The following RBFOX1 variants were observed in gnomAD, a reference collection of about 807,000 sequenced individuals.
RBFOX1 encodes RNA binding protein fox-1 homolog 1.
In RBFOX1, 8 loss-of-function variants were observed where a neutral mutation model predicts 57.7. The observed-to-expected ratio is 0.14, with a 90% confidence interval of 0.08 to 0.25. The LOEUF (loss-of-function observed/expected upper bound fraction) is 0.25, where lower values mean the gene tolerates loss of function less well. RBFOX1 is among the 10% of genes least tolerant of loss of function. The pLI is 1.00. For missense variants in RBFOX1, 611 were observed against 548.5 expected (o/e 1.11, Z -1.14); for synonymous variants, 326 against 222.4 (o/e 1.47, Z -4.15).
chr16:6,241,515 G>A (rs958920324), intron 1 of RBFOX1, among the ~76,000 whole-genome samples: 12 of 152,190 alleles, frequency 7.9e-5, no homozygotes, highest in African/African-American at 1.9e-4. Context: ...AATTTTCCTC[G>A]TAAGTAATTT....
chr16:7,235,423 G>C (rs915714026), intron 4 of RBFOX1, among the ~76,000 whole-genome samples: 3 of 152,212 alleles, frequency 2.0e-5, no homozygotes, highest in African/African-American at 7.2e-5. Context: ...AACAGACAGA[G>C]ATGTAGTCAC....
intron 4 of RBFOX1, among the ~76,000 whole-genome samples, chr16:7,490,355 C>T (rs1331983393): frequency 6.6e-6 from 1 of 152,146 alleles, no homozygotes; most frequent in East Asian, 1.9e-4. Context: ...GGGCTCTATC[C>T]CTGGCGAGAT....
chr16:6,641,931 T>A (rs1376751543), intron 2 of RBFOX1, among the ~76,000 whole-genome samples: 1 of 152,030 alleles, frequency 6.6e-6, no homozygotes, highest in Non-Finnish European at 1.5e-5. Context: ...TCCAGCCTCT[T>A]CTCTTTTTTC....
At chr16:5,970,950 T>A (rs115888549) in intron 4 of RBFOX1, among the ~76,000 whole-genome samples, 1,562 of 152,320 alleles carry the variant, frequency 0.01, 25 homozygotes, top group African/African-American at 0.034. Context: ...CCAAACTGTT[T>A]TATACCCAGA....
At chr16:7,189,265 A>G (rs1393160662) in intron 4 of RBFOX1, among the ~76,000 whole-genome samples, 1 of 151,648 alleles carries the variant, frequency 6.6e-6, no homozygotes, top group Non-Finnish European at 1.5e-5. Flanking sequence ...CTCTACTAAA[A>G]ATACAAAAAA....
At chr16:7,403,562 T>TTC (rs1487515249) in intron 4 of RBFOX1, among the ~76,000 whole-genome samples, 2 of 114,664 alleles carry the variant, frequency 1.7e-5, no homozygotes, top group Non-Finnish European at 3.5e-5. Context: ...AATGAGAGAA[T>TTC]CCCCCCCCCC....
intron 4 of RBFOX1, among the ~76,000 whole-genome samples, chr16:7,129,716 A>T (rs1335147225): frequency 6.6e-6 from 1 of 152,066 alleles, no homozygotes; most frequent in Admixed American, 6.5e-5. Context: ...GGAGCCCCCA[A>T]ATCGGGTTGT....
chr16:6,603,982 C>T (rs1473703983), intron 2 of RBFOX1, among the ~76,000 whole-genome samples: 3 of 152,096 alleles, frequency 2.0e-5, no homozygotes, highest in Non-Finnish European at 4.4e-5. Flanking sequence ...TTTCTTCTCC[C>T]AGCCTTGGGG....
At chr16:6,100,414 G>A (rs2096291297) in intron 1 of RBFOX1, among the ~76,000 whole-genome samples, 2 of 152,150 alleles carry the variant, frequency 1.3e-5, no homozygotes, top group South Asian at 2.1e-4. Context: ...CGCCCGCCGC[G>A]GCCTCCCAAA....
chr16:6,497,413 A>G (rs537191899), intron 2 of RBFOX1, among the ~76,000 whole-genome samples: 1 of 152,170 alleles, frequency 6.6e-6, no homozygotes, highest in Admixed American at 6.5e-5. Context: ...CCCACTCTGT[A>G]GATAGTCACT....
At chr16:6,337,751 T>C (rs2083971852) in intron 2 of RBFOX1, among the ~76,000 whole-genome samples, 1 of 152,178 alleles carries the variant, frequency 6.6e-6, no homozygotes, top group African/African-American at 2.4e-5. Context: ...AATAAAAGTA[T>C]TAAAGTGACA....
chr16:5,389,483 C>T (rs911931985), intron 1 of RBFOX1, among the ~76,000 whole-genome samples: 3 of 152,080 alleles, frequency 2.0e-5, no homozygotes. Context: ...TGTCTCCAGA[C>T]ATCGCCAAAT....
At chr16:6,575,734 G>T (rs2097424132) in intron 2 of RBFOX1, among the ~76,000 whole-genome samples, 1 of 151,828 alleles carries the variant, frequency 6.6e-6, no homozygotes, top group Admixed American at 6.6e-5. Context: ...GCAGACGCCT[G>T]TAATCCCAGG....
At chr16:6,939,674 G>A (rs1459938880) in intron 3 of RBFOX1, among the ~76,000 whole-genome samples, 1 of 151,866 alleles carries the variant, frequency 6.6e-6, no homozygotes. Context: ...ACCATACCCA[G>A]CTAATTTTTG....
intron 3 of RBFOX1, among the ~76,000 whole-genome samples, chr16:5,822,063 A>G (rs1046238722): frequency 2.6e-5 from 4 of 152,200 alleles, no homozygotes; most frequent in African/African-American, 9.6e-5. Flanking sequence ...GTTGTTTATA[A>G]ATTGGGTTGG....
intron 2 of RBFOX1, among the ~76,000 whole-genome samples, chr16:5,540,569 T>G (rs1350180090): frequency 6.6e-6 from 1 of 152,128 alleles, no homozygotes; most frequent in Admixed American, 6.6e-5. Flanking sequence ...TAACGGATCT[T>G]TAGTGGTATT....
At chr16:5,720,181 A>T (rs1325369216) in intron 3 of RBFOX1, among the ~76,000 whole-genome samples, 1 of 152,142 alleles carries the variant, frequency 6.6e-6, no homozygotes, top group Non-Finnish European at 1.5e-5. Context: ...AATGATATTG[A>T]ACATTGTGTG....
At chr16:7,356,185 C>T (rs1005998727) in intron 4 of RBFOX1, among the ~76,000 whole-genome samples, 1 of 152,140 alleles carries the variant, frequency 6.6e-6, no homozygotes. Context: ...CCATGCTAGG[C>T]AGAGTTCTAG....
intron 3 of RBFOX1, among the ~76,000 whole-genome samples, chr16:6,821,353 A>G (rs891541526): frequency 1.3e-5 from 2 of 152,206 alleles, no homozygotes; most frequent in Admixed American, 1.3e-4. Context: ...TTGGAAAACT[A>G]GTCTAGTCTT....
Sources: gnomAD v4.1 joint callset for allele counts (sites outside exome capture counted in the v4.1 genomes callset) on GRCh38, gnomAD v4.1.1 for gene constraint, MANE v1.5 for transcripts, NCBI Gene and HGNC (gene_info 2026-07-23, HGNC 2026-07-21) for gene names.